IFI16: variants seen among roughly 807,000 people sequenced by gnomAD.
IFI16 encodes the protein interferon gamma inducible protein 16.
IFI16 carries 49 observed loss-of-function variants against 68.4 expected under a neutral mutation model. The ratio of observed to expected loss-of-function variants is 0.72; its 90% CI spans 0.57 to 0.91. IFI16 has a LOEUF of 0.91. IFI16 is among the 40% of genes least tolerant of loss of function. IFI16 has a pLI of 0.00. For missense variants in IFI16, 878 were observed against 942.9 expected (o/e 0.93, Z 0.90); for synonymous variants, 307 against 315.0 (o/e 0.97, Z 0.27).
intron 1 of IFI16, among the ~76,000 whole-genome samples, chr1:159,012,665 A>G (rs1400566583): frequency 6.6e-6 from 1 of 152,224 alleles, no homozygotes; most frequent in African/African-American, 2.4e-5. Flanking sequence ...CGTCAGTCAC[A>G]ATGCACATTC....
At chr1:159,011,064 T>C (rs1422031445) in intron 1 of IFI16, among the ~76,000 whole-genome samples, 1 of 152,194 alleles carries the variant, frequency 6.6e-6, no homozygotes, top group African/African-American at 2.4e-5. Flanking sequence ...AATTGAAGCA[T>C]AAACTGAAAT....
intron 6 of IFI16, among the ~76,000 whole-genome samples, chr1:159,029,114 GTT>G (rs1215418857): frequency 6.6e-6 from 1 of 152,120 alleles, no homozygotes; most frequent in African/African-American, 2.4e-5. Flanking sequence ...AATGTTTTAT[GTT>G]CTATTTTGGT....
upstream of IFI16, among the ~76,000 whole-genome samples, chr1:159,004,577 T>A (rs916765458): frequency 6.6e-6 from 1 of 152,096 alleles, no homozygotes; most frequent in African/African-American, 2.4e-5. Flanking sequence ...TGATGGTGCA[T>A]GCGTGTAATT....
upstream of IFI16, among the ~76,000 whole-genome samples, chr1:159,001,012 A>T (rs1332779342): frequency 6.6e-6 from 1 of 152,230 alleles, no homozygotes; most frequent in Admixed American, 6.5e-5. Flanking sequence ...GGTGCAAGTC[A>T]GGAAGGGAAA....
intron 6 of IFI16, among the ~76,000 whole-genome samples, chr1:159,021,576 CT>C (rs932974342): frequency 6.6e-6 from 1 of 152,126 alleles, no homozygotes; most frequent in East Asian, 1.9e-4. Context: ...GTGCAATGAT[CT>C]TTTTTTGTAT....
intron 7 of IFI16, among the ~76,000 whole-genome samples, chr1:159,041,408 G>C (rs900096523): frequency 6.6e-6 from 1 of 152,176 alleles, no homozygotes; most frequent in Non-Finnish European, 1.5e-5. Context: ...TGGAACTGTA[G>C]CTTTGAGAGG....
chr1:159,022,301 A>G (rs574160608), intron 6 of IFI16, among the ~76,000 whole-genome samples: 2 of 152,296 alleles, frequency 1.3e-5, no homozygotes, highest in East Asian at 3.9e-4. Flanking sequence ...TGTATGTGCA[A>G]TGCTTGTTCC....
chr1:159,047,044 G>A (rs1655033876), intron 8 of IFI16, among the ~76,000 whole-genome samples: 1 of 150,698 alleles, frequency 6.6e-6, no homozygotes, highest in African/African-American at 2.4e-5. Context: ...AGCGCTATGG[G>A]GCCTACACCC....
rs1166639970 is a variant in IFI16 at position 159,055,035 on chromosome 1, G to A, written c.*134G>A. 4 of 420,032 alleles carry A rather than the reference G, an allele frequency of 9.5e-6. No homozygotes were observed. The highest frequency in any genetic ancestry group is 8.2e-5 in the African/African-American group (4 of 48,752). 26.0% of individuals were successfully genotyped at this position (420,032 alleles called of 1,614,324 possible). A position where few individuals can be genotyped will look rare whatever the true frequency, so the allele number is the denominator to read the frequency against. The stretch of plus-strand genomic sequence containing the variant: ...ATACTAGCTGTTAATCCTATGGAAT[G>A]GGGTATTGGGAGTGCTTTTTTAATT... On this transcript the variant is annotated 3_prime_UTR_variant, in exon 12 of 12. Coordinates refer to ENST00000295809, the MANE Select transcript of IFI16 (RefSeq NM_001376587.1).
At chr1:159,023,312 A>G (rs1653451574) in intron 6 of IFI16, among the ~76,000 whole-genome samples, 1 of 152,176 alleles carries the variant, frequency 6.6e-6, no homozygotes, top group African/African-American at 2.4e-5. Flanking sequence ...TTTTGCTAAT[A>G]TTATATTTAA....
At chr1:159,007,202 T>C (rs1652292466), upstream of IFI16, among the ~76,000 whole-genome samples, 1 of 152,236 alleles carries the variant, frequency 6.6e-6, no homozygotes, top group Non-Finnish European at 1.5e-5. Flanking sequence ...CAAATGTTAG[T>C]ATTCCAAAAA....
At chr1:159,016,092 A>G (rs994031276) in intron 3 of IFI16, 105 bp downstream of exon 3, 28 of 718,430 alleles carry the variant, frequency 3.9e-5, no homozygotes, top group Non-Finnish European at 5.7e-5. Context: ...CATGTTTCCC[A>G]TCAAGTTTCA....
chr1:159,020,544 G>A lies in IFI16; in HGVS notation c.1161+15G>A, dbSNP rs200970346. 1.3e-5 allele frequency: 20 copies of A among 1,553,854 alleles called. No homozygotes were observed. The East Asian group carries it at 4.5e-4, about 35-fold the overall frequency. On this transcript the variant is annotated intron_variant, in intron 6 of 11. Transcript: ENST00000295809. ...GTTTTATCCAGGTAAGAATTAAATA[G>A]GCAAATATTAGTTTTCCAAAGTGGA...
upstream of IFI16, among the ~76,000 whole-genome samples, chr1:159,008,449 C>A (rs76888415): frequency 6.6e-6 from 1 of 152,094 alleles, no homozygotes; most frequent in Non-Finnish European, 1.5e-5. Context: ...AATTATGGAG[C>A]ATTGTCCTGA....
chr1:159,042,302 C>A (rs571460676), intron 7 of IFI16, among the ~76,000 whole-genome samples: 7 of 101,592 alleles, frequency 6.9e-5, no homozygotes, highest in African/African-American at 2.7e-4. Context: ...TATCTTCTGC[C>A]ATGTCTCCCT....
At chr1:159,001,973 A>G (rs1169290654), upstream of IFI16, among the ~76,000 whole-genome samples, 1 of 152,206 alleles carries the variant, frequency 6.6e-6, no homozygotes. Context: ...CTGGGTAGCA[A>G]CTTACTGTGT....
intron 8 of IFI16, among the ~76,000 whole-genome samples, chr1:159,046,031 C>T (rs1368499275): frequency 1.3e-5 from 2 of 151,166 alleles, no homozygotes; most frequent in African/African-American, 4.8e-5. Flanking sequence ...ATAACTCATG[C>T]TTTTTATTAA....
chr1:159,018,376 G>T lies in IFI16; in HGVS notation c.697G>T (p.Val233Leu). 1 of 1,614,204 alleles carries T rather than the reference G, an allele frequency of 6.2e-7. No individual in the cohort carries two copies. The highest frequency in any genetic ancestry group is 8.5e-7 in the Non-Finnish European group (1 of 1,180,028). ...MEKKIMFHAT[V>L]ATQTQFFHVK... The stretch of plus-strand genomic sequence containing the variant: ...GAAAAAAATAATGTTTCATGCTACA[G>T]TGGCTACACAGACACAGTTCTTCCA... The change falls in exon 5 of 12, where the codon GTG becomes TTG. Residue 233 changes from valine (V) to leucine (L), a missense_variant. By Grantham distance (32) the Val-to-Leu change is conservative (BLOSUM62 1). Around this residue, in one of 4 missense-constraint regions of IFI16, gnomAD observed 443 missense variants for 421.8 expected, o/e 1.05. Coordinates refer to ENST00000295809, the MANE Select transcript of IFI16 (RefSeq NM_001376587.1).
upstream of IFI16, among the ~76,000 whole-genome samples, chr1:159,001,457 G>C (rs547474262): frequency 2.0e-5 from 3 of 152,142 alleles, no homozygotes; most frequent in Non-Finnish European, 4.4e-5. Context: ...GTGATAGCTA[G>C]AGAAACCCTA....
Sources: allele counts gnomAD v4.1 joint callset (sites outside exome capture counted in the v4.1 genomes callset), GRCh38; gene constraint gnomAD v4.1.1; regional missense constraint gnomAD v4.1.1; transcripts MANE v1.5; gene names NCBI Gene and HGNC (gene_info 2026-07-23, HGNC 2026-07-21).